The following MAP2 variants were observed in gnomAD, a reference collection of about 807,000 sequenced individuals.
The protein encoded by MAP2 is microtubule-associated protein 2.
Under a neutral mutation model 137.6 loss-of-function variants are expected in MAP2, and 14 were observed. The observed-to-expected ratio is 0.10, with a 90% CI of 0.07 to 0.16. The LOEUF (loss-of-function observed/expected upper bound fraction) is 0.16, where lower values mean the gene tolerates loss of function less well. MAP2 is among the 10% of genes least tolerant of loss of function. The probability of loss-of-function intolerance (pLI) is 1.00; values close to 1 mark genes in which losing one functional copy is unlikely to be tolerated. For missense variants in MAP2, 2,088 were observed against 2,191.5 expected, an observed-to-expected ratio of 0.95 and a Z score of 0.94; for synonymous variants, 786 against 782.3, an observed-to-expected ratio of 1.00 and a Z score of -0.08.
intron 2 of MAP2, among the ~76,000 whole-genome samples, chr2:209,563,203 C>T (rs1455350337): frequency 6.6e-6 from 1 of 152,092 alleles, no homozygotes; most frequent in Non-Finnish European, 1.5e-5. Flanking sequence ...AAGCATATGA[C>T]CTGAATTCAT....
intron 1 of MAP2, among the ~76,000 whole-genome samples, chr2:209,427,563 G>A (rs781411940): frequency 1.1e-3 from 165 of 151,562 alleles, no homozygotes; most frequent in African/African-American, 3.4e-3. Flanking sequence ...TTTTTAATTC[G>A]ACATTTGGAT....
chr2:209,617,426 A>G (rs527991852), intron 3 of MAP2, among the ~76,000 whole-genome samples: 1 of 152,292 alleles, frequency 6.6e-6, no homozygotes, highest in African/African-American at 2.4e-5. Context: ...AAGCTGGAGG[A>G]TAAGAAACTC....
At chr2:209,437,273 T>C (rs1287587070) in intron 1 of MAP2, among the ~76,000 whole-genome samples, 2 of 151,640 alleles carry the variant, frequency 1.3e-5, no homozygotes, top group Non-Finnish European at 3.0e-5. Flanking sequence ...CTCTCAACTT[T>C]AGTGGTCCTG....
intron 13 of MAP2, chr2:209,723,635 A>C (rs1178899912): frequency 6.2e-7 from 1 of 1,614,046 alleles, no homozygotes; most frequent in Non-Finnish European, 8.5e-7. Flanking sequence ...AGCAAAGTTC[A>C]GTCCAGATGT....
chr2:209,515,461 C>T (rs568366626), intron 2 of MAP2, among the ~76,000 whole-genome samples: 12 of 152,146 alleles, frequency 7.9e-5, no homozygotes, highest in Admixed American at 4.6e-4. Flanking sequence ...ATGGTGCAAG[C>T]GGAAGCAGGC....
At chr2:209,652,056 T>C (rs1018211074) in intron 4 of MAP2, among the ~76,000 whole-genome samples, 25 of 152,192 alleles carry the variant, frequency 1.6e-4, no homozygotes, top group African/African-American at 5.8e-4. Context: ...TGTGTTGTCA[T>C]CCTTACTGTG....
chr2:209,660,859 C>T (rs1315549466), intron 5 of MAP2, among the ~76,000 whole-genome samples: 3 of 149,412 alleles, frequency 2.0e-5, no homozygotes, highest in East Asian at 3.9e-4. Context: ...CTCAGCCTCC[C>T]GAGTAACTGG....
At chr2:209,699,023 A>G (rs568687291) in intron 10 of MAP2, among the ~76,000 whole-genome samples, 1 of 152,324 alleles carries the variant, frequency 6.6e-6, no homozygotes, top group South Asian at 2.1e-4. Context: ...AAGAAATTTA[A>G]AATCTTTGAA....
chr2:209,491,831 A>G (rs1347041530), intron 1 of MAP2, among the ~76,000 whole-genome samples: 3 of 152,164 alleles, frequency 2.0e-5, no homozygotes, highest in African/African-American at 7.2e-5. Flanking sequence ...AAAACCCAGG[A>G]TCAGATGGAT....
intron 3 of MAP2, among the ~76,000 whole-genome samples, chr2:209,614,630 C>T (rs1210124653): frequency 6.6e-6 from 1 of 152,090 alleles, no homozygotes; most frequent in African/African-American, 2.4e-5. Flanking sequence ...AATATTCTCA[C>T]TCAATTAAGA....
intron 13 of MAP2, among the ~76,000 whole-genome samples, chr2:209,718,730 T>G (rs1584493324): frequency 1.3e-5 from 2 of 152,354 alleles, no homozygotes; most frequent in East Asian, 3.9e-4. Flanking sequence ...AACTGTTATT[T>G]CTTCCTAAAT....
At chr2:209,575,784 A>G (rs146046865) in intron 2 of MAP2, among the ~76,000 whole-genome samples, 1 of 152,258 alleles carries the variant, frequency 6.6e-6, no homozygotes, top group East Asian at 1.9e-4. Context: ...ACATGTAAAA[A>G]TGACTGCCCT....
intron 2 of MAP2, among the ~76,000 whole-genome samples, chr2:209,563,461 T>C (rs2072657706): frequency 6.7e-6 from 1 of 149,890 alleles, no homozygotes; most frequent in African/African-American, 2.5e-5. Context: ...CATTGTTATC[T>C]ATAGAGATCC....
At position 209,694,843 on chromosome 2, in the gene MAP2, G is replaced by A. The variant is rs1559587487; in HGVS notation, c.2673G>A (p.Gly891=). 2 of 1,614,148 alleles carry A rather than the reference G, an allele frequency of 1.2e-6. No homozygotes were observed. The highest frequency in any genetic ancestry group is 1.7e-6 in the Non-Finnish European group (2 of 1,180,018). The change falls in exon 8 of 16, where the codon GGG becomes GGA. Residue 891 remains glycine, a synonymous_variant. Transcript: ENST00000682079. ...TTCAAGACAGTGAGAATTTATCAGG[G>A]GAGAGTGGTACCTTTTACGAAGGCA... ...SPVQDSENLS[G]ESGTFYEGTD...
chr2:209,617,385 C>G (rs747386348), intron 3 of MAP2, among the ~76,000 whole-genome samples: 1 of 152,134 alleles, frequency 6.6e-6, no homozygotes, highest in Non-Finnish European at 1.5e-5. Flanking sequence ...TAATCAGATT[C>G]TTGCTGAAGG....
chr2:209,642,560 T>C (rs1416627511), intron 4 of MAP2, among the ~76,000 whole-genome samples: 1 of 152,170 alleles, frequency 6.6e-6, no homozygotes, highest in African/African-American at 2.4e-5. Flanking sequence ...AATAACCTAA[T>C]GTTATCTGTG....
chr2:209,522,407 A>G (rs1157989071), intron 2 of MAP2, among the ~76,000 whole-genome samples: 2 of 152,178 alleles, frequency 1.3e-5, no homozygotes, highest in Non-Finnish European at 2.9e-5. Flanking sequence ...GGGATAAGAG[A>G]GACCTAAATC....
intron 2 of MAP2, among the ~76,000 whole-genome samples, chr2:209,523,032 A>G (rs1189558653): frequency 6.6e-6 from 1 of 152,200 alleles, no homozygotes; most frequent in Non-Finnish European, 1.5e-5. Context: ...TGACATTTGC[A>G]TTCAGCTTAA....
chr2:209,695,175 A>G lies in MAP2; in HGVS notation c.3005A>G (p.Lys1002Arg). Residue 1002 changes from lysine to arginine, a missense_variant, in exon 8 of 16, where the codon AAA becomes AGA. Lys to Arg is a conservative substitution (Grantham distance 26). Around this residue, in one of 6 missense-constraint regions of MAP2, gnomAD observed 500 missense variants for 482.9 expected, o/e 1.04. Coordinates refer to ENST00000682079, the MANE Select transcript of MAP2 (RefSeq NM_001375505.1). ...GTAACCTATGAGCAAGCTTTGGCCA[A>G]AGATTTGTCAATACCAACAGATGCA... ...LGVTYEQALA[K>R]DLSIPTDASS... 6.2e-7 allele frequency: 1 copy of G among 1,614,220 alleles called. No homozygotes were observed. The highest frequency in any genetic ancestry group is 8.5e-7 in the Non-Finnish European group (1 of 1,180,030).
Sources: gnomAD v4.1 joint callset for allele counts (sites outside exome capture counted in the v4.1 genomes callset) on GRCh38, gnomAD v4.1.1 for gene constraint, gnomAD v4.1.1 regional missense constraint, MANE v1.5 for transcripts, NCBI Gene and HGNC (gene_info 2026-07-23, HGNC 2026-07-21) for gene names.